SLC45A2: variants seen among roughly 807,000 people sequenced by gnomAD.
SLC45A2 encodes membrane-associated transporter protein.
Under a neutral mutation model 45.5 loss-of-function variants are expected in SLC45A2, and 36 were observed. The observed-to-expected ratio is 0.79, with a 90% CI of 0.61 to 1.04. The LOEUF is 1.04. Among genes scored for constraint, SLC45A2 ranks in the 50% least tolerant of loss-of-function variants. The pLI, the probability that SLC45A2 is intolerant of heterozygous loss-of-function variation, is 0.00. For missense variants in SLC45A2, 719 were observed against 671.0 expected (o/e 1.07, Z -0.79); for synonymous variants, 306 against 269.3 (o/e 1.14, Z -1.33).
At position 33,982,142 on chromosome 5, in the gene SLC45A2, A is replaced by T; in HGVS notation, c.562+94T>A. On this transcript the variant is annotated intron_variant, in intron 2 of 6. Transcript: ENST00000296589. ...AGCCCATCAGCTGACCCGTTCATTC[A>T]AAAAACTCCACGTGTAGAGACACTG... The T allele has an allele frequency of 2.0e-6, 3 of 1,464,640 alleles. No individual in the cohort carries two copies. In the South Asian group the frequency reaches 3.4e-5, roughly 17 times the overall value. 90.7% of individuals were successfully genotyped at this position (1,464,640 alleles called of 1,614,324 possible). A position where few individuals can be genotyped will look rare whatever the true frequency, so the allele number is the denominator to read the frequency against.
At position 33,984,384 on chromosome 5, in the gene SLC45A2, C is replaced by G. The variant is rs752568566; in HGVS notation, c.200G>C (p.Ser67Thr). 5.6e-6 allele frequency: 9 copies of G among 1,613,582 alleles called. No individual in the cohort carries two copies. The highest frequency in any genetic ancestry group is 7.6e-6 in the Non-Finnish European group (9 of 1,179,742). ...GAACCACACAATGCTGTACAGGCTGCTGGGCAGACCTACGCTGAGCAGGAC... is the reference window on the plus strand; with the variant it reads ...GAACCACACAATGCTGTACAGGCTGGTGGGCAGACCTACGCTGAGCAGGAC... Reference protein sequence around the residue: ...TPVLLSVGLPSSLYSIVWFLS... With the variant: ...TPVLLSVGLPTSLYSIVWFLS... Residue 67 changes from serine (S) to threonine (T), a missense_variant, in exon 1 of 7, where the codon AGC (serine) becomes ACC (threonine). Coordinates refer to ENST00000296589, the MANE Select transcript of SLC45A2 (RefSeq NM_016180.5).
chr5:33,945,148 G>A (rs2111894418), intron 6 of SLC45A2, among the ~76,000 whole-genome samples: 1 of 152,302 alleles, frequency 6.6e-6, no homozygotes, highest in Non-Finnish European at 1.5e-5. Context: ...ACTGAATATT[G>A]ATGGGTATTA....
intron 2 of SLC45A2, 120 bp from the exon 3 acceptor site, chr5:33,964,136 A>T (rs6451048): frequency 1.0e-6 from 1 of 991,818 alleles, no homozygotes; most frequent in Non-Finnish European, 1.6e-6. Context: ...ACCTGGATAT[A>T]ATTGGAAAAG....
chr5:33,984,585 G>T lies in SLC45A2; in HGVS notation c.-2C>A, dbSNP rs202056704. ...AGCCTGCCCACTGTTGCTACCCATG[G>T]CCACTGGGAGAGGAACCTTCCTGCG... On this transcript the variant is annotated 5_prime_UTR_variant, in exon 1 of 7. Transcript: ENST00000296589. The T allele has an allele frequency of 6.8e-6, 11 of 1,608,868 alleles. No individual in the cohort carries two copies. Among genetic ancestry groups the T allele is most frequent in the Non-Finnish European group, 9.3e-6 (11 of 1,179,990 alleles).
intron 1 of SLC45A2, among the ~76,000 whole-genome samples, 172 bp downstream of exon 1, chr5:33,984,027 C>T (rs1280922604): frequency 6.6e-6 from 1 of 152,176 alleles, no homozygotes; most frequent in Non-Finnish European, 1.5e-5. Context: ...AGTAGAGGCT[C>T]CCCAACCACA....
intron 3 of SLC45A2, among the ~76,000 whole-genome samples, chr5:33,962,971 A>G (rs1236814702): frequency 1.3e-5 from 2 of 152,236 alleles, no homozygotes; most frequent in African/African-American, 2.4e-5. Flanking sequence ...AACGTTCTAC[A>G]ATGATGGGAA....
At chr5:33,956,249 CAA>C (rs1164541743) in intron 3 of SLC45A2, among the ~76,000 whole-genome samples, 1 of 152,104 alleles carries the variant, frequency 6.6e-6, no homozygotes, top group African/African-American at 2.4e-5. Flanking sequence ...CAACTGCAGA[CAA>C]GAGCAGAGCT....
intron 4 of SLC45A2, 26 bp downstream of exon 4, chr5:33,954,335 A>T: frequency 6.2e-7 from 1 of 1,613,832 alleles, no homozygotes; most frequent in Non-Finnish European, 8.5e-7. Context: ...TGTAACAGTG[A>T]TTGTGTGCAC....
chr5:33,982,492 G>A (rs1398262202), intron 1 of SLC45A2, 80 bp from the exon 2 acceptor site: 6 of 1,388,292 alleles, frequency 4.3e-6, no homozygotes, highest in Non-Finnish European at 6.1e-6. Context: ...TAAACTTCTT[G>A]CCATAAAATC....
At chr5:33,977,205 C>A (rs1258628757) in intron 2 of SLC45A2, among the ~76,000 whole-genome samples, 3 of 152,178 alleles carry the variant, frequency 2.0e-5, no homozygotes, top group East Asian at 3.9e-4. Flanking sequence ...AGAAACCAAC[C>A]CTGACAGCTT....
intron 2 of SLC45A2, among the ~76,000 whole-genome samples, chr5:33,980,797 A>G (rs1404076793): frequency 6.6e-6 from 1 of 152,224 alleles, no homozygotes; most frequent in Non-Finnish European, 1.5e-5. Context: ...ATCAAACCCA[A>G]TAAGGATGAG....
intron 2 of SLC45A2, among the ~76,000 whole-genome samples, chr5:33,964,599 C>T (rs1222912975): frequency 6.6e-6 from 1 of 152,072 alleles, no homozygotes; most frequent in Admixed American, 6.6e-5. Flanking sequence ...TAGCTGGGAA[C>T]AGGAAATAAT....
chr5:33,971,372 A>T, intron 2 of SLC45A2: 1 of 491,852 alleles, frequency 2.0e-6, no homozygotes, highest in Non-Finnish European at 4.0e-6. Flanking sequence ...TATGTGGACC[A>T]CCATAAACAG....
chr5:33,967,783 GACACACACACAC>G (rs10529094), intron 2 of SLC45A2, among the ~76,000 whole-genome samples: 12,729 of 146,918 alleles, frequency 0.087, 1,336 homozygotes, highest in East Asian at 0.34. Flanking sequence ...TATTTTGCTA[GACACACACACAC>G]ACACACACAC....
rs1751958735 is a variant in SLC45A2 at position 33,947,220 on chromosome 5, G to A, written c.1311C>T (p.Thr437=). The part of the protein sequence containing the change: ...LCSLFGVMSS[T]LYTVPFNLIT... Reference sequence around the variant, plus strand: ...TGAGGTTAAAGGGCACAGTGTACAGGGTGCTGGACATTACACCAAACAGGC... The same window carrying A: ...TGAGGTTAAAGGGCACAGTGTACAGAGTGCTGGACATTACACCAAACAGGC... The change falls in exon 6 of 7, where the codon ACC becomes ACT. Residue 437 remains threonine (T), a synonymous_variant. Transcript: ENST00000296589. 5 of 1,614,078 alleles carry A rather than the reference G, an allele frequency of 3.1e-6. No homozygotes were observed. The highest frequency in any genetic ancestry group is 3.3e-4 in the Middle Eastern group (2 of 6,084).
intron 2 of SLC45A2, among the ~76,000 whole-genome samples, chr5:33,978,595 G>A (rs2112005458): frequency 6.6e-6 from 1 of 152,288 alleles, no homozygotes; most frequent in East Asian, 1.9e-4. Context: ...TTTAGGCAAA[G>A]CTTAACTCTG....
intron 3 of SLC45A2, among the ~76,000 whole-genome samples, chr5:33,959,424 A>G (rs1315767519): frequency 6.6e-6 from 1 of 152,166 alleles, no homozygotes; most frequent in African/African-American, 2.4e-5. Context: ...AGAGTCAAAG[A>G]GTACAAGTAT....
chr5:33,962,863 T>G (rs1752490097), intron 3 of SLC45A2, among the ~76,000 whole-genome samples: 1 of 152,238 alleles, frequency 6.6e-6, no homozygotes, highest in Non-Finnish European at 1.5e-5. Flanking sequence ...TACAACATTT[T>G]GTCAATCAAG....
At chr5:33,946,814 G>C in intron 6 of SLC45A2, 7 of 1,247,138 alleles carry the variant, frequency 5.6e-6, no homozygotes, top group Non-Finnish European at 7.1e-6. Flanking sequence ...AGACCTATGA[G>C]GTGGTTACAG....
Sources: allele counts gnomAD v4.1 joint callset (sites outside exome capture counted in the v4.1 genomes callset), GRCh38; gene constraint gnomAD v4.1.1; transcripts MANE v1.5; gene names NCBI Gene and HGNC (gene_info 2026-07-23, HGNC 2026-07-21).